Variants in RBFOX1 observed in about 807,000 individuals in gnomAD.
RBFOX1 encodes the protein RNA binding protein fox-1 homolog 1.
RBFOX1 carries 8 observed loss-of-function variants against 57.7 expected under a neutral mutation model. The ratio of observed to expected loss-of-function variants is 0.14; its 90% CI spans 0.08 to 0.25. The LOEUF (loss-of-function observed/expected upper bound fraction) is 0.25. Among genes scored for constraint, RBFOX1 ranks in the 10% least tolerant of loss-of-function variants. The probability of loss-of-function intolerance (pLI) is 1.00; values close to 1 mark genes in which losing one functional copy is unlikely to be tolerated. For synonymous variants in RBFOX1, 326 were observed against 222.4 expected, an observed-to-expected ratio of 1.47 and a Z score of -4.15; for missense variants, 611 against 548.5, an observed-to-expected ratio of 1.11 and a Z score of -1.14.
intron 1 of RBFOX1, chr16:5,366,818 A>T (rs1447936842): frequency 4.1e-6 from 1 of 245,262 alleles, no homozygotes; most frequent in Middle Eastern, 1.4e-3. Context: ...AATGTTGTCC[A>T]GGTTTCATTG....
chr16:6,222,792 C>G (rs917990871), intron 1 of RBFOX1, among the ~76,000 whole-genome samples: 2 of 151,408 alleles, frequency 1.3e-5, no homozygotes, highest in African/African-American at 4.9e-5. Flanking sequence ...TGGTGGTGTG[C>G]TGCACCCATT....
chr16:7,053,784 A>T (rs533800016), intron 4 of RBFOX1, among the ~76,000 whole-genome samples: 1 of 152,154 alleles, frequency 6.6e-6, no homozygotes, highest in Admixed American at 6.5e-5. Context: ...GTTTAGTCCC[A>T]AGTATGGCTC....
chr16:6,058,144 G>C (rs1318854869), intron 1 of RBFOX1, among the ~76,000 whole-genome samples: 1 of 152,042 alleles, frequency 6.6e-6, no homozygotes, highest in African/African-American at 2.4e-5. Context: ...TGGGGTCGGG[G>C]GTGGAATGGA....
rs542476450 is a variant in RBFOX1 at position 5,422,384 on chromosome 16, A to C, written c.220-44832A>C. Among the ~76,000 whole-genome samples, 9 of 118,414 alleles carry C rather than the reference A, an allele frequency of 7.6e-5. No homozygotes were observed. In the South Asian group the frequency reaches 2.9e-3, roughly 38 times the overall value. 77.7% of individuals were successfully genotyped at this position (118,414 alleles called of 152,430 possible). A position where few individuals can be genotyped will look rare whatever the true frequency, so the allele number is the denominator to read the frequency against. ...GGAGCAGGGAGGAGCAGAGAAGAGA[A>C]ATGAGGAGGAGGGAAGAGGCGTAGG... On this transcript the variant is annotated intron_variant, in intron 1 of 2. Coordinates refer to the RBFOX1 transcript ENST00000585867.
chr16:6,542,599 C>T (rs967161500), intron 2 of RBFOX1, among the ~76,000 whole-genome samples: 2 of 149,908 alleles, frequency 1.3e-5, no homozygotes, highest in African/African-American at 4.9e-5. Context: ...ACGCCATTCT[C>T]CTGCCTCAGC....
chr16:6,212,931 C>T (rs763585254), intron 1 of RBFOX1, among the ~76,000 whole-genome samples: 4 of 152,092 alleles, frequency 2.6e-5, no homozygotes, highest in Admixed American at 6.5e-5. Flanking sequence ...TTAGAATAGT[C>T]GTTTTACATA....
intron 1 of RBFOX1, among the ~76,000 whole-genome samples, chr16:5,384,951 G>C (rs576133094): frequency 5.3e-5 from 8 of 152,302 alleles, no homozygotes; most frequent in African/African-American, 1.7e-4. Context: ...TCATCTAACT[G>C]TTGGTCAAAT....
intron 2 of RBFOX1, among the ~76,000 whole-genome samples, chr16:6,569,869 T>A (rs1382465394): frequency 6.6e-6 from 1 of 152,194 alleles, no homozygotes; most frequent in African/African-American, 2.4e-5. Flanking sequence ...TGAAATCCAA[T>A]CTCCTTCAAT....
intron 3 of RBFOX1, among the ~76,000 whole-genome samples, chr16:5,619,556 C>T (rs537448108): frequency 3.9e-5 from 6 of 152,300 alleles, no homozygotes; most frequent in South Asian, 4.2e-4. Flanking sequence ...TTGAAAATCT[C>T]GCCAGACTGC....
chr16:6,172,934 C>T (rs1373271851), intron 1 of RBFOX1, among the ~76,000 whole-genome samples: 1 of 152,150 alleles, frequency 6.6e-6, no homozygotes, highest in Non-Finnish European at 1.5e-5. Flanking sequence ...GAATCTTAGC[C>T]TTTTCCAGCT....
At chr16:6,016,014 C>T (rs1277594873), upstream of RBFOX1, among the ~76,000 whole-genome samples, 2 of 152,212 alleles carry the variant, frequency 1.3e-5, no homozygotes, top group Admixed American at 6.5e-5. Context: ...AGGTTGACTT[C>T]TCATTTCATT....
At chr16:6,613,718 C>T (rs1012437873) in intron 2 of RBFOX1, among the ~76,000 whole-genome samples, 1 of 152,176 alleles carries the variant, frequency 6.6e-6, no homozygotes, top group Non-Finnish European at 1.5e-5. Context: ...GGGCAGATCA[C>T]TCGAGGCCAA....
intron 4 of RBFOX1, among the ~76,000 whole-genome samples, chr16:7,179,637 G>A (rs1373280369): frequency 6.6e-6 from 1 of 152,058 alleles, no homozygotes; most frequent in Non-Finnish European, 1.5e-5. Flanking sequence ...ACCACATAGG[G>A]GGAGATTCCA....
At chr16:6,269,261 G>A (rs1377813344) in intron 1 of RBFOX1, among the ~76,000 whole-genome samples, 2 of 152,004 alleles carry the variant, frequency 1.3e-5, no homozygotes, top group African/African-American at 4.8e-5. Flanking sequence ...CATTTAATTT[G>A]TATTATTTTT....
intron 2 of RBFOX1, among the ~76,000 whole-genome samples, chr16:5,585,181 C>T (rs1477718058): frequency 6.6e-6 from 1 of 152,190 alleles, no homozygotes; most frequent in Non-Finnish European, 1.5e-5. Context: ...TGCCCTCCCC[C>T]CGTCCCTGGA....
chr16:6,248,126 G>A (rs993943406), intron 1 of RBFOX1, among the ~76,000 whole-genome samples: 9 of 152,154 alleles, frequency 5.9e-5, no homozygotes, highest in African/African-American at 2.2e-4. Flanking sequence ...AGGAGCCAGT[G>A]TACCAGAAGA....
chr16:6,086,051 C>A (rs935150460), intron 1 of RBFOX1, among the ~76,000 whole-genome samples: 5 of 152,090 alleles, frequency 3.3e-5, no homozygotes, highest in Non-Finnish European at 5.9e-5. Context: ...TCAGCTACTA[C>A]TTATGAGTGA....
intron 3 of RBFOX1, among the ~76,000 whole-genome samples, chr16:5,744,955 T>G (rs1291358642): frequency 6.6e-6 from 1 of 152,130 alleles, no homozygotes; most frequent in African/African-American, 2.4e-5. Context: ...GTATTTTTTT[T>G]TATTATACTT....
intron 2 of RBFOX1, among the ~76,000 whole-genome samples, chr16:5,578,844 CTTTTTTT>C (rs57387602): frequency 2.8e-5 from 3 of 109,018 alleles, no homozygotes; most frequent in Non-Finnish European, 3.8e-5. Context: ...CACACACACC[CTTTTTTT>C]TTTTTTTTTT....
Sources: allele counts gnomAD v4.1 joint callset (sites outside exome capture counted in the v4.1 genomes callset), GRCh38; gene constraint gnomAD v4.1.1; transcripts MANE v1.5; gene names NCBI Gene and HGNC (gene_info 2026-07-23, HGNC 2026-07-21).